The following TMEM132D variants were observed in gnomAD, a reference collection of about 807,000 sequenced individuals.
TMEM132D encodes mature OL transmembrane protein.
Under a neutral mutation model 62.3 loss-of-function variants are expected in TMEM132D, and 21 were observed. The ratio of observed to expected loss-of-function variants is 0.34; its 90% CI spans 0.24 to 0.49. The LOEUF (loss-of-function observed/expected upper bound fraction) is 0.49, where lower values mean the gene tolerates loss of function less well. TMEM132D is among the 20% of genes least tolerant of loss of function. The pLI is 0.99. For synonymous variants in TMEM132D, 621 were observed against 575.6 expected (o/e 1.08, Z -1.13); for missense variants, 1,346 against 1,402.8 (o/e 0.96, Z 0.65).
At position 129,802,036 on chromosome 12, in the gene TMEM132D, T is replaced by C. The variant is rs1871806764; in HGVS notation, c.79+101225A>G. On this transcript the variant is annotated intron_variant, in intron 1 of 8. Transcript: ENST00000422113. ...AAAGCCTCCAAGAAATATGGGACTATGTGAAAAGACCAAATCTACGTCTGA... is the reference window on the plus strand; with the variant it reads ...AAAGCCTCCAAGAAATATGGGACTACGTGAAAAGACCAAATCTACGTCTGA... 3.4e-5 allele frequency among the ~76,000 whole-genome samples: 5 copies of C among 148,066 alleles called. No homozygotes were observed. The South Asian group carries it at 1.1e-3, about 32-fold the overall frequency.
At chr12:129,161,846 C>G (rs1323911606) in intron 5 of TMEM132D, among the ~76,000 whole-genome samples, 1 of 152,218 alleles carries the variant, frequency 6.6e-6, no homozygotes, top group African/African-American at 2.4e-5. Context: ...GATCCTCACA[C>G]TGCCACTTTG....
At chr12:129,705,358 C>T (rs1881478077) in intron 1 of TMEM132D, among the ~76,000 whole-genome samples, 1 of 151,980 alleles carries the variant, frequency 6.6e-6, no homozygotes. Context: ...AACACAGTTG[C>T]ATCAAGGGTA....
At chr12:129,733,199 A>T (rs1869308190) in intron 1 of TMEM132D, among the ~76,000 whole-genome samples, 1 of 152,210 alleles carries the variant, frequency 6.6e-6, no homozygotes, top group Admixed American at 6.5e-5. Context: ...GATTGTAGCC[A>T]GCTGAGTGGG....
chr12:129,792,161 T>C (rs1421730892), intron 1 of TMEM132D, among the ~76,000 whole-genome samples: 1 of 152,198 alleles, frequency 6.6e-6, no homozygotes, highest in Non-Finnish European at 1.5e-5. Context: ...CTGTCAACGA[T>C]GCTCTTGCCG....
At chr12:129,262,227 A>C (rs1880568447) in intron 4 of TMEM132D, 1 of 152,252 alleles carries the variant, frequency 6.6e-6, no homozygotes, top group East Asian at 1.9e-4. Context: ...AAGGACCGTA[A>C]TTGAATAAGC....
chr12:129,141,967 A>G (rs566448472), intron 5 of TMEM132D, among the ~76,000 whole-genome samples: 1 of 148,810 alleles, frequency 6.7e-6, no homozygotes, highest in Admixed American at 6.7e-5. Flanking sequence ...TACTTTATAT[A>G]TTTATAAAGT....
chr12:129,764,669 A>C (rs752736633), intron 1 of TMEM132D, among the ~76,000 whole-genome samples: 1 of 152,162 alleles, frequency 6.6e-6, no homozygotes, highest in Non-Finnish European at 1.5e-5. Context: ...GCCTGGGCAC[A>C]GTAGGTTATA....
chr12:129,460,109 G>A (rs1593019141), intron 3 of TMEM132D, among the ~76,000 whole-genome samples: 2 of 152,092 alleles, frequency 1.3e-5, no homozygotes, highest in African/African-American at 2.4e-5. Context: ...ATCATAGTAC[G>A]GCCACAACTA....
At chr12:129,691,080 A>G (rs1229771070) in intron 2 of TMEM132D, among the ~76,000 whole-genome samples, 1 of 152,084 alleles carries the variant, frequency 6.6e-6, no homozygotes, top group Non-Finnish European at 1.5e-5. Context: ...CACACTTCTC[A>G]ATAACATATG....
chr12:129,381,521 A>G (rs1294416196), intron 3 of TMEM132D, among the ~76,000 whole-genome samples: 2 of 152,144 alleles, frequency 1.3e-5, no homozygotes, highest in African/African-American at 4.8e-5. Context: ...TCATAGGTAA[A>G]TTTTTATTGA....
intron 1 of TMEM132D, among the ~76,000 whole-genome samples, chr12:129,899,422 G>C (rs1875272441): frequency 7.5e-6 from 1 of 132,464 alleles, no homozygotes; most frequent in Non-Finnish European, 1.6e-5. Flanking sequence ...TGGATGGATG[G>C]ATGGATGGAT....
chr12:129,828,317 T>C (rs995572190), intron 1 of TMEM132D, among the ~76,000 whole-genome samples: 12 of 152,138 alleles, frequency 7.9e-5, no homozygotes, highest in African/African-American at 2.9e-4. Context: ...ATAAATAGAA[T>C]TAATAAAAGC....
At chr12:129,321,305 G>T (rs574495621) in intron 4 of TMEM132D, among the ~76,000 whole-genome samples, 1 of 152,202 alleles carries the variant, frequency 6.6e-6, no homozygotes, top group Non-Finnish European at 1.5e-5. Context: ...AAGTAGATGG[G>T]GTCATTGTGA....
chr12:129,811,595 G>A lies in TMEM132D; in HGVS notation c.79+91666C>T. Among the ~76,000 whole-genome samples, 2 of 151,760 alleles carry A rather than the reference G, an allele frequency of 1.3e-5. 1 individual carries two copies. Among genetic ancestry groups the A allele is most frequent in the South Asian group, 4.2e-4 (2 of 4,740 alleles). On this transcript the variant is annotated intron_variant, in intron 1 of 8. Transcript: ENST00000422113. ...GTACAAAGATGCCACCTCTGTGAGT[G>A]TGCGACCTTACCTGGCAAGATGGAC...
In TMEM132D at chr12:129,453,105, T is replaced by C. The variant is rs145075939; in HGVS notation, c.1115+77954A>G. On this transcript the variant is annotated intron_variant, in intron 3 of 8. Transcript: ENST00000422113. ...TATTGTGAACTGCGTATGCAAGGGATCTAGGTTGTGCATTCCTTATCATAA... is the reference window on the plus strand; with the variant it reads ...TATTGTGAACTGCGTATGCAAGGGACCTAGGTTGTGCATTCCTTATCATAA... 4.7e-3 allele frequency among the ~76,000 whole-genome samples: 720 copies of C among 152,296 alleles called. 4 individuals carry two copies. Among genetic ancestry groups the C allele is most frequent in the African/African-American group, 0.016 (656 of 41,560 alleles).
intron 1 of TMEM132D, among the ~76,000 whole-genome samples, chr12:129,832,130 G>T (rs960284262): frequency 6.3e-5 from 9 of 143,002 alleles, no homozygotes; most frequent in Admixed American, 1.5e-4. Flanking sequence ...CTCGTGATCC[G>T]CCCGTCTCAG....
At chr12:129,851,094 ATAGCT>A (rs2137353164) in intron 1 of TMEM132D, among the ~76,000 whole-genome samples, 1 of 152,334 alleles carries the variant, frequency 6.6e-6, no homozygotes, top group South Asian at 2.1e-4. Context: ...CTCGGAAAAT[ATAGCT>A]TTCATTCTGA....
chr12:129,179,125 GC>G (rs1211215725), intron 5 of TMEM132D, among the ~76,000 whole-genome samples: 1 of 152,160 alleles, frequency 6.6e-6, no homozygotes. Context: ...GAGTAGAACT[GC>G]CCATCAGCGT....
At chr12:129,682,892 A>G (rs1403025266) in intron 2 of TMEM132D, 1 of 147,736 alleles carries the variant, frequency 6.8e-6, no homozygotes, top group African/African-American at 2.5e-5. Context: ...AGAGACTTAC[A>G]GATTTTGGTC....
Sources: allele counts gnomAD v4.1 joint callset (sites outside exome capture counted in the v4.1 genomes callset), GRCh38; gene constraint gnomAD v4.1.1; transcripts MANE v1.5; gene names NCBI Gene and HGNC (gene_info 2026-07-23, HGNC 2026-07-21).